ARHGAP15: variants seen among roughly 807,000 people sequenced by gnomAD.
ARHGAP15 encodes the protein rho GTPase-activating protein 15.
A neutral mutation model predicts 63.7 loss-of-function variants in ARHGAP15; 51 were observed. The ratio of observed to expected loss-of-function variants is 0.80; its 90% confidence interval spans 0.64 to 1.01. The LOEUF (loss-of-function observed/expected upper bound fraction) is 1.01. ARHGAP15 is among the 50% of genes least tolerant of loss of function. ARHGAP15 has a pLI of 0.00. For missense variants in ARHGAP15, 560 were observed against 564.6 expected (o/e 0.99, Z 0.08); for synonymous variants, 191 against 193.8 (o/e 0.99, Z 0.12).
chr2:143,615,004 T>G (rs1229134129), intron 11 of ARHGAP15, among the ~76,000 whole-genome samples: 2 of 152,228 alleles, frequency 1.3e-5, no homozygotes, highest in Non-Finnish European at 2.9e-5. Flanking sequence ...CCTTACTTTA[T>G]GCAAGTAGTT....
intron 2 of ARHGAP15, among the ~76,000 whole-genome samples, chr2:143,182,064 C>T (rs893248751): frequency 6.6e-6 from 1 of 151,662 alleles, no homozygotes; most frequent in African/African-American, 2.4e-5. Flanking sequence ...GCCTCAGTCT[C>T]CTGTCTCAGA....
Position 143,462,426 on chromosome 2 carries a change from T to G in ARHGAP15, c.704-24947T>G, listed in dbSNP as rs188664079. 9.2e-5 allele frequency among the ~76,000 whole-genome samples: 14 copies of G among 152,160 alleles called. No homozygotes were observed. In the East Asian group the frequency reaches 2.5e-3, roughly 27 times the overall value. On this transcript the variant is annotated intron_variant, in intron 8 of 13. Coordinates refer to ENST00000295095, the MANE Select transcript of ARHGAP15 (RefSeq NM_018460.4). ...GACCATTAAGTCTTCTGCAATGCCA[T>G]GATAGCAAAAAAAAGGCACAAAGTT...
At chr2:143,304,937 A>T (rs1247623282) in intron 6 of ARHGAP15, among the ~76,000 whole-genome samples, 1 of 152,100 alleles carries the variant, frequency 6.6e-6, no homozygotes, top group Non-Finnish European at 1.5e-5. Context: ...AAGGATTTAG[A>T]ACCAGAAATA....
intron 10 of ARHGAP15, among the ~76,000 whole-genome samples, chr2:143,551,978 T>C (rs1424299661): frequency 6.6e-6 from 1 of 152,088 alleles, no homozygotes; most frequent in Admixed American, 6.5e-5. Flanking sequence ...AGAACCCAAG[T>C]AGAAATTTGG....
At chr2:143,624,639 G>C (rs1360839180) in intron 12 of ARHGAP15, among the ~76,000 whole-genome samples, 1 of 152,054 alleles carries the variant, frequency 6.6e-6, no homozygotes, top group Non-Finnish European at 1.5e-5. Context: ...AAGCGGTCTC[G>C]AAAAGGATCC....
At chr2:143,739,297 G>C (rs80071665) in intron 13 of ARHGAP15, among the ~76,000 whole-genome samples, 1 of 151,934 alleles carries the variant, frequency 6.6e-6, no homozygotes, top group Non-Finnish European at 1.5e-5. Flanking sequence ...GGGGTTCAAA[G>C]CTAGATTCTG....
intron 6 of ARHGAP15, among the ~76,000 whole-genome samples, chr2:143,379,485 A>ATGTGTGTGTGTGTGTG (rs1234683861): frequency 2.2e-5 from 2 of 90,094 alleles, no homozygotes; most frequent in African/African-American, 4.0e-5. Context: ...TTAGGCATAT[A>ATGTGTGTGTGTGTGTG]TATGTGTGTG....
chr2:143,527,479 G>A (rs1261000692), intron 10 of ARHGAP15, among the ~76,000 whole-genome samples: 8 of 147,592 alleles, frequency 5.4e-5, no homozygotes, highest in Non-Finnish European at 7.5e-5. Context: ...TTTTGGTTCA[G>A]AAAAAAAAAA....
intron 8 of ARHGAP15, among the ~76,000 whole-genome samples, chr2:143,445,153 A>ACTTTTTTTTTTTTTTTTTT (rs765945989): frequency 1.3e-4 from 10 of 74,426 alleles, no homozygotes; most frequent in African/African-American, 5.4e-4. Flanking sequence ...AAGAACAATT[A>ACTTTTTTTTTTTTTTTTTT]TTTTTTTTTT....
chr2:143,182,888 G>C (rs1219247361), intron 2 of ARHGAP15, among the ~76,000 whole-genome samples: 1 of 152,114 alleles, frequency 6.6e-6, no homozygotes, highest in East Asian at 1.9e-4. Flanking sequence ...AGGACCTCAG[G>C]GGAGAAAGCC....
intron 8 of ARHGAP15, among the ~76,000 whole-genome samples, chr2:143,454,234 T>C (rs1188022216): frequency 6.6e-6 from 1 of 151,972 alleles, no homozygotes; most frequent in Non-Finnish European, 1.5e-5. Flanking sequence ...AGAAAGGAAT[T>C]AGTTGGAATT....
chr2:143,459,812 GTATATATGTAA>G (rs1690841765), intron 8 of ARHGAP15, among the ~76,000 whole-genome samples: 2 of 152,076 alleles, frequency 1.3e-5, no homozygotes, highest in East Asian at 3.9e-4. Context: ...CCCTATGATG[GTATATATGTAA>G]TCAAAAACAT....
At chr2:143,532,856 C>T (rs1167593809) in intron 10 of ARHGAP15, among the ~76,000 whole-genome samples, 1 of 152,130 alleles carries the variant, frequency 6.6e-6, no homozygotes. Flanking sequence ...ATGGGCAATG[C>T]ATTGGGTAGA....
At chr2:143,467,471 T>A (rs1427375885) in intron 8 of ARHGAP15, among the ~76,000 whole-genome samples, 1 of 151,984 alleles carries the variant, frequency 6.6e-6, no homozygotes, top group Non-Finnish European at 1.5e-5. Flanking sequence ...GTACTTGGTT[T>A]GGGGTTGTAT....
chr2:143,449,914 C>G (rs746455629), intron 8 of ARHGAP15, among the ~76,000 whole-genome samples: 13 of 151,680 alleles, frequency 8.6e-5, no homozygotes, highest in Non-Finnish European at 1.3e-4. Context: ...CTAAAATGTC[C>G]AGTCTTTTAA....
chr2:143,249,086 A>C (rs1038989009), intron 5 of ARHGAP15, among the ~76,000 whole-genome samples: 5 of 152,294 alleles, frequency 3.3e-5, no homozygotes, highest in African/African-American at 1.2e-4. Context: ...AATAGTGATC[A>C]CCTGGGTGGC....
intron 13 of ARHGAP15, among the ~76,000 whole-genome samples, chr2:143,714,386 C>T (rs1424017803): frequency 6.6e-6 from 1 of 152,230 alleles, no homozygotes; most frequent in African/African-American, 2.4e-5. Context: ...ACCACTGTTT[C>T]CTCCTGGGCC....
intron 11 of ARHGAP15, among the ~76,000 whole-genome samples, chr2:143,569,443 C>T (rs551372366): frequency 6.6e-6 from 1 of 152,082 alleles, no homozygotes; most frequent in African/African-American, 2.4e-5. Flanking sequence ...GAGAAGGTCT[C>T]TTTGAGGAGG....
At chr2:143,556,697 T>C (rs948902488) in intron 11 of ARHGAP15, among the ~76,000 whole-genome samples, 3 of 151,914 alleles carry the variant, frequency 2.0e-5, no homozygotes, top group African/African-American at 4.8e-5. Context: ...TAATAGTCTA[T>C]GTGAAATAAA....
Sources: allele counts gnomAD v4.1 joint callset (sites outside exome capture counted in the v4.1 genomes callset), GRCh38; gene constraint gnomAD v4.1.1; transcripts MANE v1.5; gene names NCBI Gene and HGNC (gene_info 2026-07-23, HGNC 2026-07-21).